RAB11FIP2: variants seen among roughly 807,000 people sequenced by gnomAD.
The protein encoded by RAB11FIP2 is RAB11 family interacting protein 2.
Under a neutral mutation model 40.9 loss-of-function variants are expected in RAB11FIP2, and 16 were observed. The ratio of observed to expected loss-of-function variants is 0.39; its 90% CI spans 0.26 to 0.59. The LOEUF is 0.59. Ranked by LOEUF, RAB11FIP2 falls within the 20% of genes least tolerant of loss-of-function variation. The pLI, the probability that RAB11FIP2 is intolerant of heterozygous loss-of-function variation, is 0.53. For synonymous variants in RAB11FIP2, 228 were observed against 213.7 expected, an observed-to-expected ratio of 1.07 and a Z score of -0.58; for missense variants, 532 against 606.2, an observed-to-expected ratio of 0.88 and a Z score of 1.28.
chr10:118,009,224 T>C lies in RAB11FIP2; in HGVS notation c.1313A>G (p.Asp438Gly). The C allele has an allele frequency of 6.2e-7, 1 of 1,609,092 alleles. No homozygotes were observed. The highest frequency in any genetic ancestry group is 8.5e-7 in the Non-Finnish European group (1 of 1,175,970). The change falls in exon 5 of 5, where the codon GAC (aspartate) becomes GGC (glycine). Residue 438 changes from aspartate (D) to glycine (G), a missense_variant and splice_region_variant. Physicochemically the swap from Asp to Gly is moderately conservative, Grantham distance 94. Coordinates refer to ENST00000355624, the MANE Select transcript of RAB11FIP2 (RefSeq NM_014904.3). Reference protein sequence around the residue: ...TSNEDLRKIPDSNPFDATAGY... With the variant: ...TSNEDLRKIPGSNPFDATAGY... The stretch of plus-strand genomic sequence containing the variant: ...TGCAGTGGCATCAAAGGGGTTGCTG[T>C]CCTAGAACAGGATAAAGACTGTCAC...
At chr10:118,040,033 T>C in intron 2 of RAB11FIP2, 90 bp downstream of exon 2, 2 of 1,281,508 alleles carry the variant, frequency 1.6e-6, no homozygotes, top group Non-Finnish European at 2.1e-6. Flanking sequence ...ACAAAGCAAC[T>C]GCTATTTTGA....
chr10:118,024,678 G>A (rs1846322321), intron 3 of RAB11FIP2, among the ~76,000 whole-genome samples: 1 of 152,126 alleles, frequency 6.6e-6, no homozygotes, highest in African/African-American at 2.4e-5. Flanking sequence ...AGGATAATGT[G>A]GAGAGATGTG....
chr10:118,031,138 T>A (rs1452374926), intron 3 of RAB11FIP2, among the ~76,000 whole-genome samples: 1 of 152,096 alleles, frequency 6.6e-6, no homozygotes, highest in Admixed American at 6.6e-5. Context: ...AACAGGCAAA[T>A]TATCTTTAAC....
intron 4 of RAB11FIP2, among the ~76,000 whole-genome samples, chr10:118,012,725 C>A (rs995020354): frequency 3.9e-5 from 6 of 152,008 alleles, no homozygotes; most frequent in Non-Finnish European, 8.8e-5. Context: ...ACTCTCTAAA[C>A]TGGCAAAGAC....
chr10:118,040,280 C>A lies in RAB11FIP2; in HGVS notation c.639G>T (p.Lys213Asn), dbSNP rs531676573. Residue 213 changes from lysine (K) to asparagine (N), a missense_variant, in exon 2 of 5, where the codon AAG becomes AAT. Lys to Asn is a moderately conservative substitution (Grantham distance 94). Coordinates refer to ENST00000355624, the MANE Select transcript of RAB11FIP2 (RefSeq NM_014904.3). ...GTCGCTGAGGACCCAAGAGAAAAGG[C>A]TTTTTTGGTTTGGATTTCATCTGTA... ...GEIQMKSKPK[K>N]PFLLGPQRLS... 5.0e-6 allele frequency: 8 copies of A among 1,613,706 alleles called. No individual in the cohort carries two copies. Among genetic ancestry groups the A allele is most frequent in the Non-Finnish European group, 6.8e-6 (8 of 1,179,810 alleles).
chr10:118,030,640 A>T (rs1245222397), intron 3 of RAB11FIP2, among the ~76,000 whole-genome samples: 1 of 151,718 alleles, frequency 6.6e-6, no homozygotes, highest in Non-Finnish European at 1.5e-5. Context: ...GTTTTTGTGA[A>T]TTTTTTTGGC....
chr10:118,008,710 T>C lies in RAB11FIP2; in HGVS notation c.*288A>G, dbSNP rs2133159202. The C allele has an allele frequency of 2.9e-6, 1 of 340,670 alleles. No homozygotes were observed. The highest frequency in any genetic ancestry group is 5.4e-6 in the Non-Finnish European group (1 of 184,446). The allele number at this position is 340,670 out of a possible 1,614,324, so 21.1% of individuals were successfully genotyped here. On this transcript the variant is annotated 3_prime_UTR_variant, in exon 5 of 5. Coordinates refer to ENST00000355624, the MANE Select transcript of RAB11FIP2 (RefSeq NM_014904.3). ...GTACTTCTGAAGATATTTCTGGGCC[T>C]ATGGCAGATTAGTGGGTCAGTACCA...
At chr10:118,029,043 A>T (rs1044398647) in intron 3 of RAB11FIP2, among the ~76,000 whole-genome samples, 2 of 152,074 alleles carry the variant, frequency 1.3e-5, no homozygotes, top group East Asian at 3.9e-4. Context: ...AAAAAGAAAA[A>T]ATTCAAACCT....
chr10:118,009,075 C>T lies in RAB11FIP2; in HGVS notation c.1462G>A (p.Val488Ile), dbSNP rs761185223. 6.2e-7 allele frequency: 1 copy of T among 1,613,450 alleles called. No homozygotes were observed. Among genetic ancestry groups the T allele is most frequent in the Non-Finnish European group, 8.5e-7 (1 of 1,179,604 alleles). The change falls in exon 5 of 5, where the codon GTA (valine) becomes ATA (isoleucine). Residue 488 changes from valine (V) to isoleucine (I), a missense_variant. Coordinates refer to ENST00000355624, the MANE Select transcript of RAB11FIP2 (RefSeq NM_014904.3). Reference sequence around the variant, plus strand: ...AGAATACTGGGCGTTTCTTCCATTACCCTTACAAGGAGGTTGTCGATGTAG... The same window carrying T: ...AGAATACTGGGCGTTTCTTCCATTATCCTTACAAGGAGGTTGTCGATGTAG... Reference protein sequence around the residue: ...EDYIDNLLVRVMEETPSILRV... With the variant: ...EDYIDNLLVRIMEETPSILRV...
At chr10:118,041,261 A>G (rs1278480878) in intron 1 of RAB11FIP2, among the ~76,000 whole-genome samples, 1 of 152,084 alleles carries the variant, frequency 6.6e-6, no homozygotes, top group Non-Finnish European at 1.5e-5. Context: ...GGAAAAAAAA[A>G]AACCTAAAAT....
At position 118,045,823 on chromosome 10, in the gene RAB11FIP2, CTT is replaced by C; in HGVS notation, c.339_340del (p.Arg114LysfsTer7). 6.2e-7 allele frequency: 1 copy of C among 1,602,522 alleles called. No homozygotes were observed. Among genetic ancestry groups the C allele is most frequent in the Admixed American group, 1.7e-5 (1 of 58,150 alleles). Reference sequence around the variant, plus strand: ...TTACATAACTTACTCTGTTTTCCTTCTTTGTTTGTCCTCAAAGATGTCATTGA... The same window carrying C: ...TTACATAACTTACTCTGTTTTCCTTCTGTTTGTCCTCAAAGATGTCATTGA... On this transcript the variant is annotated frameshift_variant, in exon 1 of 5. Transcript: ENST00000355624. LOFTEE classifies it high-confidence loss of function.
In RAB11FIP2 at chr10:118,039,385, G is replaced by A. The variant is rs1285739583; in HGVS notation, c.852C>T (p.Asn284=). 2 of 1,613,388 alleles carry A rather than the reference G, an allele frequency of 1.2e-6. No individual in the cohort carries two copies. Among genetic ancestry groups the A allele is most frequent in the Non-Finnish European group, 1.7e-6 (2 of 1,179,552 alleles). ...RTLSFDTSKM[N]QPDSIVDEGE... Reference sequence around the variant, plus strand: ...CTTCATCCACAATGCTGTCAGGTTGGTTCATTTTAGAAGTATCAAAGCTTA... The same window carrying A: ...CTTCATCCACAATGCTGTCAGGTTGATTCATTTTAGAAGTATCAAAGCTTA... The change falls in exon 3 of 5, where the codon AAC becomes AAT. Residue 284 remains asparagine, a synonymous_variant. Coordinates refer to ENST00000355624, the MANE Select transcript of RAB11FIP2 (RefSeq NM_014904.3).
intron 4 of RAB11FIP2, among the ~76,000 whole-genome samples, chr10:118,012,557 A>G (rs574504387): frequency 6.6e-6 from 1 of 152,038 alleles, no homozygotes; most frequent in East Asian, 1.9e-4. Flanking sequence ...GTTTGTTGAT[A>G]TAACTCCAAA....
At chr10:118,043,889 A>T (rs1564696150) in intron 1 of RAB11FIP2, among the ~76,000 whole-genome samples, 1 of 152,218 alleles carries the variant, frequency 6.6e-6, no homozygotes, top group African/African-American at 2.4e-5. Context: ...TAAATATATT[A>T]AAAAACTAGA....
chr10:118,012,695 A>C (rs545778549), intron 4 of RAB11FIP2, among the ~76,000 whole-genome samples: 120 of 152,154 alleles, frequency 7.9e-4, no homozygotes, highest in African/African-American at 2.7e-3. Context: ...TTATTCTTGC[A>C]AAAACTTGCA....
At chr10:118,020,280 C>T (rs551905668) in intron 3 of RAB11FIP2, among the ~76,000 whole-genome samples, 1 of 152,314 alleles carries the variant, frequency 6.6e-6, no homozygotes, top group East Asian at 1.9e-4. Flanking sequence ...TCACTGTTGG[C>T]TGGTTTCAAT....
chr10:118,016,745 G>A (rs1846224819), intron 3 of RAB11FIP2, among the ~76,000 whole-genome samples: 2 of 152,164 alleles, frequency 1.3e-5, no homozygotes, highest in Non-Finnish European at 2.9e-5. Context: ...GCTGGAGCCA[G>A]GTGGTGTGAA....
intron 1 of RAB11FIP2, among the ~76,000 whole-genome samples, chr10:118,042,286 G>T (rs150358898): frequency 1.4e-4 from 22 of 152,216 alleles, no homozygotes; most frequent in Admixed American, 1.2e-3. Flanking sequence ...CCCCAAAATG[G>T]AAGGGGGTGG....
chr10:118,043,190 T>G (rs547037198), intron 1 of RAB11FIP2, among the ~76,000 whole-genome samples: 16 of 152,168 alleles, frequency 1.1e-4, no homozygotes, highest in African/African-American at 3.9e-4. Context: ...GGGACAAAAT[T>G]GGCAGTAAGG....
Sources: gnomAD v4.1 joint callset for allele counts (sites outside exome capture counted in the v4.1 genomes callset) on GRCh38, gnomAD v4.1.1 for gene constraint, MANE v1.5 for transcripts, NCBI Gene and HGNC (gene_info 2026-07-23, HGNC 2026-07-21) for gene names.